The following BDP1 variants were observed in gnomAD, a reference collection of about 807,000 sequenced individuals.
BDP1 encodes BDP1 general transcription factor IIIB subunit.
BDP1 carries 169 observed loss-of-function variants against 266.6 expected under a neutral mutation model. The observed-to-expected ratio is 0.63, with a 90% CI of 0.56 to 0.72. BDP1 has a LOEUF of 0.72. BDP1 is among the 30% of genes least tolerant of loss of function. The pLI is 0.00. For synonymous variants in BDP1, 1,090 were observed against 1,022.4 expected, an observed-to-expected ratio of 1.07 and a Z score of -1.26; for missense variants, 3,015 against 3,053.8, an observed-to-expected ratio of 0.99 and a Z score of 0.30.
chr5:71,532,961 A>G (rs1425104576), intron 26 of BDP1, among the ~76,000 whole-genome samples: 1 of 152,186 alleles, frequency 6.6e-6, no homozygotes, highest in African/African-American at 2.4e-5. Context: ...GGCCTGGGGA[A>G]CCAATAATTT....
Position 71,514,833 on chromosome 5 carries a change from T to C in BDP1, c.4471-111T>C, listed in dbSNP as rs566113950. Reference sequence around the variant, plus strand: ...AATTGCTGGGAATTTAGAATTTTGGTATAGACTACCCTATTATTCTTCACG... The same window carrying C: ...AATTGCTGGGAATTTAGAATTTTGGCATAGACTACCCTATTATTCTTCACG... On this transcript the variant is annotated intron_variant, in intron 19 of 38. Transcript: ENST00000358731. 2.1e-5 allele frequency: 13 copies of C among 620,458 alleles called. No homozygotes were observed. In the African/African-American group the frequency reaches 2.3e-4, roughly 11 times the overall value. 38.4% of individuals were successfully genotyped at this position (620,458 alleles called of 1,614,324 possible).
chr5:71,506,800 C>CAT (rs1764605836), intron 16 of BDP1, among the ~76,000 whole-genome samples: 1 of 134,424 alleles, frequency 7.4e-6, no homozygotes, highest in Non-Finnish European at 1.6e-5. Flanking sequence ...CACACACACA[C>CAT]ACACACACAC....
At chr5:71,531,512 A>G (rs908036714) in intron 25 of BDP1, among the ~76,000 whole-genome samples, 2 of 151,900 alleles carry the variant, frequency 1.3e-5, no homozygotes, top group African/African-American at 4.8e-5. Context: ...TTATTTATTT[A>G]TTTATTTATT....
Position 71,512,408 on chromosome 5 carries a change from GT to G in BDP1, c.4231del (p.Ser1411GlnfsTer5). ...GIQSPDVPEQFSDINLSKSLP... is the reference protein window; with the variant it reads ...GIQSPDVPEQXSDINLSKSLP... ...TTCAATCTCCAGATGTTCCAGAGCA[GT>G]TTTCAGATATTAATTTAAGGTACAA... is the stretch of plus-strand genomic sequence containing the variant. On this transcript the variant is annotated frameshift_variant, in exon 18 of 39. Transcript: ENST00000358731. LOFTEE classifies it high-confidence loss of function. 1 of 1,557,326 alleles carries G rather than the reference GT, an allele frequency of 6.4e-7. No individual in the cohort carries two copies. The highest frequency in any genetic ancestry group is 8.6e-7 in the Non-Finnish European group (1 of 1,160,786).
chr5:71,461,952 C>CTT, intron 3 of BDP1, 26 bp downstream of exon 3: 2 of 713,884 alleles, frequency 2.8e-6, no homozygotes, highest in South Asian at 1.5e-5. Context: ...TTCTGCTTTA[C>CTT]TATCTCTTTT....
chr5:71,503,064 C>G lies in BDP1; in HGVS notation c.2241+273C>G, dbSNP rs138181661. Among the ~76,000 whole-genome samples, 5,191 of 78,396 alleles carry G rather than the reference C, an allele frequency of 0.066. 303 individuals carry two copies. The highest frequency in any genetic ancestry group is 0.19 in the African/African-American group (4,918 of 25,654). The allele number at this position is 78,396 out of a possible 152,430, so 51.4% of individuals were successfully genotyped here. On this transcript the variant is annotated intron_variant, in intron 15 of 38. Coordinates refer to ENST00000358731, the MANE Select transcript of BDP1 (RefSeq NM_018429.3). Reference sequence around the variant, plus strand: ...TAGGCGACAGAGCAAGACTCTGTCTCAAAAAAAAAAAAAAAAAATTCACAT... The same window carrying G: ...TAGGCGACAGAGCAAGACTCTGTCTGAAAAAAAAAAAAAAAAAATTCACAT...
chr5:71,516,166 G>C lies in BDP1; in HGVS notation c.4755G>C (p.Lys1585Asn). The change falls in exon 21 of 39, where the codon AAG becomes AAC. Residue 1585 changes from lysine (K) to asparagine (N), a missense_variant. Lys to Asn is a moderately conservative substitution (Grantham distance 94). Coordinates refer to ENST00000358731, the MANE Select transcript of BDP1 (RefSeq NM_018429.3). The stretch of plus-strand genomic sequence containing the variant: ...AGAGACCGAGACCAAATATAAGAAA[G>C]ACAGGACAGAGGCAAATAGTAGACA... ...RLQRPRPNIRKTGQRQIVDKG... is the reference protein window; with the variant it reads ...RLQRPRPNIRNTGQRQIVDKG... The C allele has an allele frequency of 6.2e-7, 1 of 1,613,446 alleles. No homozygotes were observed. Among genetic ancestry groups the C allele is most frequent in the South Asian group, 1.1e-5 (1 of 90,964 alleles).
intron 20 of BDP1, among the ~76,000 whole-genome samples, 193 bp downstream of exon 20, chr5:71,515,315 A>G (rs1010506060): frequency 1.3e-5 from 2 of 152,230 alleles, no homozygotes; most frequent in African/African-American, 2.4e-5. Context: ...TTGCCTGCTT[A>G]TCTGCATTGT....
intron 32 of BDP1, among the ~76,000 whole-genome samples, chr5:71,545,884 C>T (rs1031470173): frequency 6.6e-6 from 1 of 151,648 alleles, no homozygotes; most frequent in Non-Finnish European, 1.5e-5. Flanking sequence ...CCTGTAGTCC[C>T]AGCTACTCAG....
chr5:71,485,480 C>T (rs1763210669), intron 8 of BDP1, among the ~76,000 whole-genome samples: 1 of 152,120 alleles, frequency 6.6e-6, no homozygotes, highest in South Asian at 2.1e-4. Context: ...TCTGGGTCAA[C>T]AGTGAAATAG....
rs1761890613 is a variant in BDP1 at position 71,466,103 on chromosome 5, G to A, written c.667G>A (p.Gly223Ser). Residue 223 changes from glycine to serine, a missense_variant, in exon 5 of 39, where the codon GGT (glycine) becomes AGT (serine). Physicochemically the swap from Gly to Ser is moderately conservative, Grantham distance 56. Coordinates refer to ENST00000358731, the MANE Select transcript of BDP1 (RefSeq NM_018429.3). ...TATCTTTATATGTGGTAGGCAAGAA[G>A]GTAAGAGTACTCCTAATGCTGAAGA... ...STPVQTREQE[G>S]KSTPNAEDNE... The A allele has an allele frequency of 6.2e-7, 1 of 1,613,452 alleles. No individual in the cohort carries two copies. The highest frequency in any genetic ancestry group is 1.3e-5 in the African/African-American group (1 of 74,906).
At position 71,458,722 on chromosome 5, in the gene BDP1, C is replaced by T; in HGVS notation, c.356C>T (p.Ser119Phe). ...VSVPSESHPL[S>F]TINQEAPQPT... ...GTTCCTTCAGAATCTCATCCCTTAT[C>T]TACAATTAATCAAGAGGCTCCACAG... is the stretch of plus-strand genomic sequence containing the variant. The change falls in exon 2 of 39, where the codon TCT becomes TTT. Residue 119 changes from serine (S) to phenylalanine (F), a missense_variant. Coordinates refer to ENST00000358731, the MANE Select transcript of BDP1 (RefSeq NM_018429.3). The T allele has an allele frequency of 1.9e-6, 3 of 1,614,092 alleles. No homozygotes were observed. Among genetic ancestry groups the T allele is most frequent in the Non-Finnish European group, 1.7e-6 (2 of 1,180,020 alleles).
the BDP1 span, among the ~76,000 whole-genome samples, chr5:71,576,524 C>T: frequency 3.9e-5 from 6 of 152,204 alleles, no homozygotes; most frequent in African/African-American, 1.2e-4. Flanking sequence ...CTGGCCCAAT[C>T]GCCTTCATTG....
chr5:71,574,567 C>T, the BDP1 span, among the ~76,000 whole-genome samples: 2 of 152,184 alleles, frequency 1.3e-5, no homozygotes, highest in African/African-American at 4.8e-5. Flanking sequence ...AAAGTTCCCA[C>T]TGGTATTTGT....
chr5:71,552,953 C>T (rs1742958477), intron 34 of BDP1, among the ~76,000 whole-genome samples, 163 bp from the exon 35 acceptor site: 1 of 152,066 alleles, frequency 6.6e-6, no homozygotes, highest in Admixed American at 6.5e-5. Flanking sequence ...GGGGCCATGG[C>T]CGTGTATCTC....
At chr5:71,459,341 G>T (rs893021481) in intron 2 of BDP1, among the ~76,000 whole-genome samples, 8 of 152,230 alleles carry the variant, frequency 5.3e-5, no homozygotes, top group African/African-American at 1.9e-4. Context: ...GCAAAACCCT[G>T]TCTCTACTAA....
intron 22 of BDP1, among the ~76,000 whole-genome samples, chr5:71,521,004 C>CGGTTTAGT (rs1765463472): frequency 6.6e-6 from 1 of 151,822 alleles, no homozygotes; most frequent in South Asian, 2.1e-4. Flanking sequence ...GCCTGACCAA[C>CGGTTTAGT]ATAGAGAAAC....
At chr5:71,485,987 T>C (rs1002758477) in intron 8 of BDP1, among the ~76,000 whole-genome samples, 1 of 152,188 alleles carries the variant, frequency 6.6e-6, no homozygotes, top group Non-Finnish European at 1.5e-5. Context: ...TTATGTCCCT[T>C]TCTGAACAAT....
chr5:71,522,590 T>C, intron 23 of BDP1, 100 bp downstream of exon 23: 2 of 1,192,444 alleles, frequency 1.7e-6, no homozygotes, highest in Non-Finnish European at 2.4e-6. Context: ...TTGACTTCTG[T>C]ACTGTAACCA....
Sources: allele counts gnomAD v4.1 joint callset (sites outside exome capture counted in the v4.1 genomes callset), GRCh38; gene constraint gnomAD v4.1.1; transcripts MANE v1.5; gene names NCBI Gene and HGNC (gene_info 2026-07-23, HGNC 2026-07-21).